The following KLC3 variants were observed in gnomAD, a reference collection of about 807,000 sequenced individuals.
KLC3 encodes kinesin light chain 3.
A neutral mutation model predicts 62.9 loss-of-function variants in KLC3; 72 were observed. That is an observed-to-expected ratio of 1.15 (90% confidence interval 0.95 to 1.39). The LOEUF (loss-of-function observed/expected upper bound fraction) is 1.39, where lower values mean the gene tolerates loss of function less well. Among genes scored for constraint, KLC3 ranks in the 40% most tolerant of loss-of-function variants. The pLI, the probability that KLC3 is intolerant of heterozygous loss-of-function variation, is 0.00. For synonymous variants in KLC3, 377 were observed against 300.5 expected (o/e 1.25, Z -2.63); for missense variants, 848 against 691.6 (o/e 1.23, Z -2.54).
At chr19:45,347,180 T>C (rs915379876) in intron 3 of KLC3, 10 of 469,192 alleles carry the variant, frequency 2.1e-5, no homozygotes, top group Non-Finnish European at 3.0e-5. Context: ...CCGTCTCTAC[T>C]AAAAATACAA....
intron 5 of KLC3, 56 bp downstream of exon 5, chr19:45,348,216 G>C: frequency 1.4e-6 from 2 of 1,453,388 alleles, no homozygotes; most frequent in African/African-American, 1.4e-5. Context: ...CCCATTGGGT[G>C]CAAGTGGAAG....
chr19:45,351,073 TGAGGCA>T, intron 12 of KLC3, 56 bp downstream of exon 12: 1 of 1,613,502 alleles, frequency 6.2e-7, no homozygotes, highest in Non-Finnish European at 8.5e-7. Flanking sequence ...GGTGCAGAGA[TGAGGCA>T]AAGGCAGGGC....
intron 1 of KLC3, chr19:45,345,050 A>C (rs1971460293): frequency 1.9e-5 from 3 of 158,846 alleles, no homozygotes; most frequent in Admixed American, 1.8e-4. Context: ...AAACACCCTA[A>C]GAATGAGCTC....
At chr19:45,343,775 T>C (rs1405532888) in intron 1 of KLC3, among the ~76,000 whole-genome samples, 3 of 152,216 alleles carry the variant, frequency 2.0e-5, no homozygotes, top group Non-Finnish European at 4.4e-5. Context: ...ATGTTTTTAC[T>C]GAGTTGTATA....
chr19:45,350,718 CCGAGG>C lies in KLC3; in HGVS notation c.1358_1362del (p.Glu453GlyfsTer?), dbSNP rs1005962585. 17 of 1,613,158 alleles carry C rather than the reference CCGAGG, an allele frequency of 1.1e-5. No individual in the cohort carries two copies. In the African/African-American group the frequency reaches 1.1e-4, roughly 10 times the overall value. On this transcript the variant is annotated frameshift_variant, in exon 11 of 13. Coordinates refer to ENST00000391946, the MANE Select transcript of KLC3 (RefSeq NM_177417.3). LOFTEE classifies it high-confidence loss of function. Reference sequence around the variant, plus strand: ...GAAGTGAGAAGCTGGTCTCCCGGCTCCGAGGCGAGGCGGCGGCAGGAGCAGCCGGG... The same window carrying C: ...GAAGTGAGAAGCTGGTCTCCCGGCTCCGAGGCGGCGGCAGGAGCAGCCGGG...
Position 45,350,259 on chromosome 19 carries a change from CAAAAAAAA to C in KLC3, c.1144-74_1144-67del. On this transcript the variant is annotated intron_variant, in intron 8 of 12. Coordinates refer to ENST00000391946, the MANE Select transcript of KLC3 (RefSeq NM_177417.3). The stretch of plus-strand genomic sequence containing the variant: ...CAACATACCAAGACCCCTGTCTCTA[CAAAAAAAA>C]AAAAAAAGGCGGGACTGGATGCAGT... 3.4e-6 allele frequency: 3 copies of C among 874,290 alleles called. No homozygotes were observed. The African/African-American group carries it at 5.6e-5, about 16-fold the overall frequency. The allele number at this position is 874,290 out of a possible 1,614,324, so 54.2% of individuals were successfully genotyped here. A position where few individuals can be genotyped will look rare whatever the true frequency, so the allele number is the denominator to read the frequency against.
chr19:45,349,819 G>A, intron 8 of KLC3: 1 of 549,322 alleles, frequency 1.8e-6, no homozygotes, highest in South Asian at 2.6e-5. Flanking sequence ...CAGTGAAGCG[G>A]AAGCTGGCAG....
chr19:45,342,913 TACA>T (rs1971421058), intron 1 of KLC3, among the ~76,000 whole-genome samples: 1 of 152,246 alleles, frequency 6.6e-6, no homozygotes, highest in Admixed American at 6.5e-5. Context: ...ATCGTGCATG[TACA>T]ACATGTGCAA....
At chr19:45,344,549 G>A (rs1029784422) in intron 1 of KLC3, among the ~76,000 whole-genome samples, 5 of 152,030 alleles carry the variant, frequency 3.3e-5, no homozygotes, top group East Asian at 1.9e-4. Flanking sequence ...GGGAGAGTGC[G>A]TGTGTGTGTC....
intron 5 of KLC3, among the ~76,000 whole-genome samples, chr19:45,348,383 CAG>C (rs374612082): frequency 4.0e-5 from 6 of 151,448 alleles, no homozygotes; most frequent in Admixed American, 2.0e-4. Context: ...AGAGAGGAGT[CAG>C]AGAGCACGGA....
intron 8 of KLC3, 192 bp downstream of exon 8, chr19:45,349,794 C>G: frequency 1.7e-6 from 1 of 574,600 alleles, no homozygotes; most frequent in South Asian, 2.5e-5. Flanking sequence ...AAGTCCACGG[C>G]AGCCAGAGGA....
intron 2 of KLC3, 112 bp from the exon 3 acceptor site, chr19:45,346,432 G>C (rs12979984): frequency 0.31 from 269,693 of 883,718 alleles, 44,642 homozygotes; most frequent in Middle Eastern, 0.36. Flanking sequence ...AGAATCTGGG[G>C]GTGTCGTGCA....
chr19:45,341,111 G>A (rs555254725), intron 1 of KLC3, among the ~76,000 whole-genome samples: 84 of 152,174 alleles, frequency 5.5e-4, no homozygotes, highest in Non-Finnish European at 1.1e-3. Context: ...CTGGTGCGCG[G>A]GGCTGGGCAG....
chr19:45,344,154 A>AGTGT (rs34947979), intron 1 of KLC3, among the ~76,000 whole-genome samples: 34,757 of 141,946 alleles, frequency 0.24, 4,247 homozygotes, highest in African/African-American at 0.27. Context: ...CTAATGAGGG[A>AGTGT]GTGTGTGTGT....
rs768255510 is a variant in KLC3 at position 45,347,465 on chromosome 19, C to T, written c.508C>T (p.Arg170Cys). 74 of 1,612,392 alleles carry T rather than the reference C, an allele frequency of 4.6e-5. No homozygotes were observed. Among genetic ancestry groups the T allele is most frequent in the South Asian group, 1.4e-4 (13 of 90,880 alleles). ...TCTGCAGCAGTCTGAGTCCCCGCCT[C>T]GCCGAGACAGCCTGGCCTCCCTGTT... ...AESQQSESPP[R>C]RDSLASLFPS... The change falls in exon 4 of 13, where the codon CGC (arginine) becomes TGC (cysteine). Residue 170 changes from arginine (R) to cysteine (C), a missense_variant. Arg to Cys is a radical substitution (Grantham distance 180, BLOSUM62 -3). Coordinates refer to ENST00000391946, the MANE Select transcript of KLC3 (RefSeq NM_177417.3).
intron 1 of KLC3, 190 bp from the exon 2 acceptor site, chr19:45,345,344 G>A: frequency 1.4e-6 from 1 of 708,640 alleles, no homozygotes; most frequent in Non-Finnish European, 2.4e-6. Flanking sequence ...GATGAGAGCT[G>A]GCTGGGATGG....
chr19:45,350,085 G>C, intron 8 of KLC3: 1 of 519,524 alleles, frequency 1.9e-6, no homozygotes, highest in South Asian at 2.3e-5. Flanking sequence ...CTCTGCCCCA[G>C]GGCAAGGCTT....
chr19:45,350,748 G>A lies in KLC3; in HGVS notation c.1379+1G>A. 6.2e-7 allele frequency: 1 copy of A among 1,609,084 alleles called. No individual in the cohort carries two copies. The highest frequency in any genetic ancestry group is 8.5e-7 in the Non-Finnish European group (1 of 1,178,004). Reference sequence around the variant, plus strand: ...GCGAGGCGGCGGCAGGAGCAGCCGGGTGAGTGTTGATCAGGTCGGCAAAGA... The same window carrying A: ...GCGAGGCGGCGGCAGGAGCAGCCGGATGAGTGTTGATCAGGTCGGCAAAGA... On this transcript the variant is annotated splice_donor_variant, in intron 11 of 12. Transcript: ENST00000391946. LOFTEE classifies it high-confidence loss of function.
At chr19:45,346,401 C>A in intron 2 of KLC3, 143 bp from the exon 3 acceptor site, 1 of 748,262 alleles carries the variant, frequency 1.3e-6, no homozygotes, top group Non-Finnish European at 2.1e-6. Flanking sequence ...GGCACTGGGG[C>A]CATGTTGGCA....
Sources: allele counts gnomAD v4.1 joint callset (sites outside exome capture counted in the v4.1 genomes callset), GRCh38; gene constraint gnomAD v4.1.1; transcripts MANE v1.5; gene names NCBI Gene and HGNC (gene_info 2026-07-23, HGNC 2026-07-21).